SCN8A: variants seen among roughly 807,000 people sequenced by gnomAD.
The protein encoded by SCN8A is sodium channel protein type 8 subunit alpha.
SCN8A carries 30 observed loss-of-function variants against 184.1 expected under a neutral mutation model. That is an observed-to-expected ratio of 0.16 (90% confidence interval 0.12 to 0.22). The LOEUF is 0.22. Ranked by LOEUF, SCN8A falls within the 10% of genes least tolerant of loss-of-function variation. The probability of loss-of-function intolerance (pLI) is 1.00; values close to 1 mark genes in which losing one functional copy is unlikely to be tolerated. For missense variants in SCN8A, 1,057 were observed against 2,498.9 expected, an observed-to-expected ratio of 0.42 and a Z score of 12.30; for synonymous variants, 852 against 907.0, an observed-to-expected ratio of 0.94 and a Z score of 1.09.
chr12:51,745,907 C>A lies in SCN8A; in HGVS notation c.2003C>A (p.Thr668Lys). 2 of 1,575,834 alleles carry A rather than the reference C, an allele frequency of 1.3e-6. No individual in the cohort carries two copies. The highest frequency in any genetic ancestry group is 1.7e-6 in the Non-Finnish European group (2 of 1,165,808). The change falls in exon 13 of 27, where the codon ACA becomes AAA. Residue 668 changes from threonine (T) to lysine (K), a missense_variant. By Grantham distance (78) the Thr-to-Lys change is moderately conservative. This residue lies in a region of SCN8A where 322 missense variants were observed against 390.1 expected (regional missense o/e 0.83). Coordinates refer to ENST00000627620, the MANE Select transcript of SCN8A (RefSeq NM_001330260.2). ...HIGGRLLPEA[T>K]TEVEIKKKGP... ...TTTCTTTTTTTTTTTTTAAAGGCTA[C>A]AACTGAGGTGGAAATTAAGAAGAAA... is the stretch of plus-strand genomic sequence containing the variant.
At chr12:51,651,272 C>T (rs960249463) in intron 1 of SCN8A, among the ~76,000 whole-genome samples, 32 of 152,188 alleles carry the variant, frequency 2.1e-4, no homozygotes, top group African/African-American at 7.7e-4. Flanking sequence ...CAACAGATCT[C>T]GGCCTGCTGC....
intron 6 of SCN8A, among the ~76,000 whole-genome samples, chr12:51,699,271 C>A (rs1258098000): frequency 6.6e-6 from 1 of 152,166 alleles, no homozygotes; most frequent in Admixed American, 6.5e-5. Flanking sequence ...AAGAGCTGGG[C>A]TCATATGGGG....
chr12:51,754,652 G>A (rs1293841443), intron 14 of SCN8A, among the ~76,000 whole-genome samples: 2 of 152,176 alleles, frequency 1.3e-5, no homozygotes, highest in South Asian at 2.1e-4. Flanking sequence ...ATTACATGTA[G>A]CTATCATATC....
chr12:51,629,986 C>T (rs1331976416), intron 1 of SCN8A, among the ~76,000 whole-genome samples: 2 of 152,024 alleles, frequency 1.3e-5, no homozygotes, highest in South Asian at 2.1e-4. Flanking sequence ...GAGGGAGTGC[C>T]GGGGAAATTA....
At chr12:51,673,700 G>A (rs1941172429) in intron 2 of SCN8A, among the ~76,000 whole-genome samples, 1 of 152,184 alleles carries the variant, frequency 6.6e-6, no homozygotes, top group Non-Finnish European at 1.5e-5. Flanking sequence ...ATTATGTACT[G>A]TGCTTGCTAA....
intron 26 of SCN8A, among the ~76,000 whole-genome samples, chr12:51,803,745 A>G (rs1184073807): frequency 6.6e-6 from 1 of 152,100 alleles, no homozygotes; most frequent in Non-Finnish European, 1.5e-5. Context: ...GTCACTGGTT[A>G]TGATTTAATT....
chr12:51,665,759 C>T lies in SCN8A; in HGVS notation c.276+2666C>T, dbSNP rs182898647. ...ACATGCTTTATGTAGCACAGGAACCCTCATGAAGAAATGAAGACCGTAGGC... is the reference window on the plus strand; with the variant it reads ...ACATGCTTTATGTAGCACAGGAACCTTCATGAAGAAATGAAGACCGTAGGC... On this transcript the variant is annotated intron_variant, in intron 2 of 26. Coordinates refer to ENST00000627620, the MANE Select transcript of SCN8A (RefSeq NM_001330260.2). Among the ~76,000 whole-genome samples the T allele has an allele frequency of 1.4e-4, 21 of 152,174 alleles. No homozygotes were observed. The East Asian group carries it at 4.1e-3, about 29-fold the overall frequency.
intron 14 of SCN8A, among the ~76,000 whole-genome samples, chr12:51,758,423 GGTTTGTTT>G (rs537801710): frequency 6.6e-6 from 1 of 152,078 alleles, no homozygotes; most frequent in East Asian, 1.9e-4. Context: ...TTTAATGTCT[GGTTTGTTT>G]GTTTGTTTGT....
rs1163822200 is a variant in SCN8A at position 51,640,425 on chromosome 12, A to T, written c.-54-22339A>T. Among the ~76,000 whole-genome samples, 5 of 151,940 alleles carry T rather than the reference A, an allele frequency of 3.3e-5. No homozygotes were observed. The East Asian group carries it at 5.8e-4, about 18-fold the overall frequency. On this transcript the variant is annotated intron_variant, in intron 1 of 26. Transcript: ENST00000627620. The stretch of plus-strand genomic sequence containing the variant: ...CTGAGGTATGCCTGTACTTTAAAGT[A>T]GTCTTTTAGAAGTGATCTAAAATAC...
intron 21 of SCN8A, among the ~76,000 whole-genome samples, chr12:51,782,713 T>C (rs1226085320): frequency 1.3e-5 from 2 of 152,206 alleles, no homozygotes; most frequent in African/African-American, 2.4e-5. Context: ...GCAGTCCTCA[T>C]GGCCGCTGAG....
intron 26 of SCN8A, among the ~76,000 whole-genome samples, chr12:51,805,448 C>A (rs1044882566): frequency 6.7e-6 from 1 of 149,908 alleles, no homozygotes; most frequent in African/African-American, 2.5e-5. Context: ...ATAAATAAGA[C>A]AGAAACAGTA....
At position 51,745,885 on chromosome 12, in the gene SCN8A, C is replaced by CTTT. The variant is rs769940455; in HGVS notation, c.1999-7_1999-5dup. 18 of 1,226,314 alleles carry CTTT rather than the reference C, an allele frequency of 1.5e-5. No individual in the cohort carries two copies. Among genetic ancestry groups the CTTT allele is most frequent in the South Asian group, 1.1e-4 (7 of 64,468 alleles). The allele number at this position is 1,226,314 out of a possible 1,614,324, so 76.0% of individuals were successfully genotyped here. A position where few individuals can be genotyped will look rare whatever the true frequency, so the allele number is the denominator to read the frequency against. On this transcript the variant is annotated splice_polypyrimidine_tract_variant and intron_variant, in intron 12 of 26. Coordinates refer to ENST00000627620, the MANE Select transcript of SCN8A (RefSeq NM_001330260.2). ...GACTTAACTCACTCTATTTGCTTTT[C>CTTT]TTTTTTTTTTTTTAAAGGCTACAAC...
Position 51,683,736 on chromosome 12 carries a change from C to G in SCN8A, c.277-438C>G, listed in dbSNP as rs550645142. Reference sequence around the variant, plus strand: ...GTTTTTATTTATTGTCTGTCTTTCCCACTAGAATTTAAACTCTTCGGGCCA... The same window carrying G: ...GTTTTTATTTATTGTCTGTCTTTCCGACTAGAATTTAAACTCTTCGGGCCA... On this transcript the variant is annotated intron_variant, in intron 2 of 26. Coordinates refer to ENST00000627620, the MANE Select transcript of SCN8A (RefSeq NM_001330260.2). Among the ~76,000 whole-genome samples, 9 of 152,208 alleles carry G rather than the reference C, an allele frequency of 5.9e-5. No individual in the cohort carries two copies. The South Asian group carries it at 1.7e-3, about 28-fold the overall frequency.
At chr12:51,762,453 A>C in intron 14 of SCN8A, 50 bp from the exon 15 acceptor site, 1 of 1,514,334 alleles carries the variant, frequency 6.6e-7, no homozygotes, top group Non-Finnish European at 9.1e-7. Flanking sequence ...TGATAAAGGC[A>C]TTCTCTTTCT....
At chr12:51,804,923 AAAG>A (rs1460109150) in intron 26 of SCN8A, among the ~76,000 whole-genome samples, 10 of 149,856 alleles carry the variant, frequency 6.7e-5, no homozygotes, top group African/African-American at 1.5e-4. Flanking sequence ...TTTTCAGAGC[AAAG>A]AAGAAGATAC....
At chr12:51,606,308 GC>G (rs1431829848) in intron 1 of SCN8A, among the ~76,000 whole-genome samples, 1 of 152,106 alleles carries the variant, frequency 6.6e-6, no homozygotes, top group Non-Finnish European at 1.5e-5. Context: ...CCTACATGTG[GC>G]TAGCCAATTA....
intron 26 of SCN8A, among the ~76,000 whole-genome samples, chr12:51,805,834 C>CT (rs33939467): frequency 0.44 from 66,381 of 150,222 alleles, 14,528 homozygotes; most frequent in Admixed American, 0.47. Context: ...TAAAATGTTA[C>CT]TTTTTTTTTT....
In SCN8A at chr12:51,700,301, C is replaced by T. The variant is rs559546790; in HGVS notation, c.928+510C>T. Among the ~76,000 whole-genome samples the T allele has an allele frequency of 3.3e-5, 5 of 152,276 alleles. No homozygotes were observed. The South Asian group carries it at 1.0e-3, about 32-fold the overall frequency. Reference sequence around the variant, plus strand: ...GTTCAGAAGCTCTCAAACATCAGCCCTCTCTCTCCCTTTTTCGCATGTACC... The same window carrying T: ...GTTCAGAAGCTCTCAAACATCAGCCTTCTCTCTCCCTTTTTCGCATGTACC... On this transcript the variant is annotated intron_variant, in intron 7 of 26. Transcript: ENST00000627620.
rs765764478 is a variant in SCN8A at position 51,770,573 on chromosome 12, G to C, written c.3535G>C (p.Gly1179Arg). The C allele has an allele frequency of 4.3e-6, 7 of 1,613,596 alleles. No individual in the cohort carries two copies. The highest frequency in any genetic ancestry group is 5.9e-6 in the Non-Finnish European group (7 of 1,179,776). Residue 1179 changes from glycine to arginine, a missense_variant, in exon 19 of 27, where the codon GGG (glycine) becomes CGG (arginine). By Grantham distance (125) the Gly-to-Arg change is moderately radical (BLOSUM62 -2). Around this residue, in one of 19 missense-constraint regions of SCN8A, gnomAD observed 178 missense variants for 259.6 expected, o/e 0.69. Coordinates refer to ENST00000627620, the MANE Select transcript of SCN8A (RefSeq NM_001330260.2). ...FKCCQVNIEEGLGKSWWILRK... is the reference protein window; with the variant it reads ...FKCCQVNIEERLGKSWWILRK... The stretch of plus-strand genomic sequence containing the variant: ...GTGCTGCCAGGTCAACATCGAGGAA[G>C]GGCTAGGCAAGTCTTGGTGGATCCT...
Sources: gnomAD v4.1 joint callset for allele counts (sites outside exome capture counted in the v4.1 genomes callset) on GRCh38, gnomAD v4.1.1 for gene constraint, gnomAD v4.1.1 regional missense constraint, MANE v1.5 for transcripts, NCBI Gene and HGNC (gene_info 2026-07-23, HGNC 2026-07-21) for gene names.